The following NPAS2 variants were observed in gnomAD, a reference collection of about 807,000 sequenced individuals.
The protein encoded by NPAS2 is neuronal PAS domain protein 2, also known as neuronal PAS domain-containing protein 2.
Under a neutral mutation model 107.5 loss-of-function variants are expected in NPAS2, and 23 were observed. The observed-to-expected ratio is 0.21, with a 90% CI of 0.15 to 0.30. The LOEUF is 0.30. NPAS2 is among the 10% of genes least tolerant of loss of function. The probability of loss-of-function intolerance (pLI) is 1.00; values close to 1 mark genes in which losing one functional copy is unlikely to be tolerated. For synonymous variants in NPAS2, 403 were observed against 417.5 expected (o/e 0.97, Z 0.42); for missense variants, 756 against 1,043.3 (o/e 0.72, Z 3.79).
chr2:100,868,496 G>A (rs964570295), intron 1 of NPAS2, among the ~76,000 whole-genome samples: 22 of 152,028 alleles, frequency 1.4e-4, no homozygotes, highest in Admixed American at 9.8e-4. Context: ...TTCTGCTTGG[G>A]GTTGTTAGGC....
rs1684046862 is a variant in NPAS2 at position 100,932,829 on chromosome 2, A to G, written c.182-81A>G. 7.4e-6 allele frequency: 7 copies of G among 942,388 alleles called. No homozygotes were observed. The East Asian group carries it at 1.2e-4, about 16-fold the overall frequency. The allele number at this position is 942,388 out of a possible 1,614,324, so 58.4% of individuals were successfully genotyped here. ...CACAGAAGTTTACACAAAATTACATAGAAGTAACATGTGCTTCATTTGTTA... is the reference window on the plus strand; with the variant it reads ...CACAGAAGTTTACACAAAATTACATGGAAGTAACATGTGCTTCATTTGTTA... On this transcript the variant is annotated intron_variant, in intron 3 of 20. Coordinates refer to ENST00000335681, the MANE Select transcript of NPAS2 (RefSeq NM_002518.4).
intron 1 of NPAS2, among the ~76,000 whole-genome samples, chr2:100,836,996 C>T (rs1677111559): frequency 6.6e-6 from 1 of 152,174 alleles, no homozygotes; most frequent in Admixed American, 6.5e-5. Flanking sequence ...TTTAGTGTGG[C>T]TCATCTGGTG....
At chr2:100,846,486 TAA>T (rs1257220057) in intron 1 of NPAS2, among the ~76,000 whole-genome samples, 3 of 152,208 alleles carry the variant, frequency 2.0e-5, no homozygotes, top group Non-Finnish European at 2.9e-5. Flanking sequence ...GTGTAGGAGT[TAA>T]AAGAGTGTTT....
intron 1 of NPAS2, among the ~76,000 whole-genome samples, chr2:100,834,253 C>T (rs1365995833): frequency 6.6e-6 from 1 of 152,348 alleles, no homozygotes; most frequent in African/African-American, 2.4e-5. Context: ...TCAGCCGGCG[C>T]ACTCTCCACC....
At chr2:100,952,851 G>GT (rs1558905374) in intron 7 of NPAS2, among the ~76,000 whole-genome samples, 5 of 132,238 alleles carry the variant, frequency 3.8e-5, no homozygotes, top group Admixed American at 7.1e-5. Context: ...TTATGTGTGA[G>GT]GTTTTTTTTT....
intron 2 of NPAS2, among the ~76,000 whole-genome samples, chr2:100,912,564 A>T (rs939246152): frequency 1.2e-4 from 19 of 152,220 alleles, no homozygotes; most frequent in African/African-American, 4.6e-4. Flanking sequence ...TCCAGGTGGT[A>T]TCAGCCAGAG....
intron 1 of NPAS2, among the ~76,000 whole-genome samples, chr2:100,821,828 T>C (rs1245585265): frequency 3.3e-5 from 5 of 152,186 alleles, no homozygotes; most frequent in African/African-American, 1.2e-4. Context: ...AATAGTGTAA[T>C]GTTTAAAAGA....
intron 5 of NPAS2, among the ~76,000 whole-genome samples, chr2:100,944,167 A>G (rs1674748743): frequency 6.6e-6 from 1 of 152,142 alleles, no homozygotes; most frequent in South Asian, 2.1e-4. Context: ...AGGGAGACCA[A>G]GGCCCCAGTG....
intron 7 of NPAS2, among the ~76,000 whole-genome samples, chr2:100,960,092 C>T (rs1675832142): frequency 6.6e-6 from 1 of 152,138 alleles, no homozygotes; most frequent in Non-Finnish European, 1.5e-5. Context: ...GGAAGCCAAC[C>T]TTGGGTGCTT....
At chr2:100,897,960 G>A (rs950937321) in intron 1 of NPAS2, among the ~76,000 whole-genome samples, 1 of 152,186 alleles carries the variant, frequency 6.6e-6, no homozygotes, top group Non-Finnish European at 1.5e-5. Context: ...CAGAGCCCAA[G>A]AGGAGAGGCA....
intron 3 of NPAS2, among the ~76,000 whole-genome samples, chr2:100,932,052 C>T (rs1337074794): frequency 6.6e-6 from 1 of 152,006 alleles, no homozygotes; most frequent in African/African-American, 2.4e-5. Context: ...TTTCCTAGCA[C>T]CAAGGAAATA....
chr2:100,990,463 G>A lies in NPAS2; in HGVS notation c.2018+17G>A. ...GCAGCTCAGGTACGAGACTGCCCTT[G>A]TTTAAAGGATAACCCAGGCATCATT... On this transcript the variant is annotated intron_variant, in intron 18 of 20. Coordinates refer to ENST00000335681, the MANE Select transcript of NPAS2 (RefSeq NM_002518.4). 1.2e-6 allele frequency: 2 copies of A among 1,613,200 alleles called. No homozygotes were observed. The highest frequency in any genetic ancestry group is 1.7e-6 in the Non-Finnish European group (2 of 1,179,170).
At chr2:100,991,210 G>A (rs1678109272) in intron 19 of NPAS2, among the ~76,000 whole-genome samples, 1 of 152,074 alleles carries the variant, frequency 6.6e-6, no homozygotes, top group Non-Finnish European at 1.5e-5. Flanking sequence ...CCCTCCCCCA[G>A]GCTCCAGCTG....
At chr2:100,873,717 G>A (rs918340683) in intron 1 of NPAS2, among the ~76,000 whole-genome samples, 1 of 152,082 alleles carries the variant, frequency 6.6e-6, no homozygotes, top group African/African-American at 2.4e-5. Flanking sequence ...AATGGAGCGG[G>A]GATTCATTTG....
At chr2:100,942,185 C>T (rs1674615955) in intron 5 of NPAS2, among the ~76,000 whole-genome samples, 1 of 152,292 alleles carries the variant, frequency 6.6e-6, no homozygotes, top group South Asian at 2.1e-4. Context: ...TCGCCAGGTA[C>T]AAGCCCCAGC....
At position 100,942,684 on chromosome 2, in the gene NPAS2, C is replaced by T. The variant is rs77220606; in HGVS notation, c.363+4842C>T. ...CAGAAGCTCCTGTCTGCCCCTTTTT[C>T]GTCACACGTCCACCTTCCACTTGGA... On this transcript the variant is annotated intron_variant, in intron 5 of 20. Transcript: ENST00000335681. Among the ~76,000 whole-genome samples, 327 of 152,218 alleles carry T rather than the reference C, an allele frequency of 2.1e-3. 2 individuals are homozygous for T. Among genetic ancestry groups the T allele is most frequent in the African/African-American group, 7.5e-3 (311 of 41,544 alleles).
At chr2:100,910,029 G>A (rs1209392379) in intron 2 of NPAS2, among the ~76,000 whole-genome samples, 2 of 152,118 alleles carry the variant, frequency 1.3e-5, no homozygotes, top group African/African-American at 4.8e-5. Context: ...TGTCTGGCAG[G>A]CTTAGAAACT....
intron 2 of NPAS2, 132 bp from the exon 3 acceptor site, chr2:100,925,014 C>A (rs979518164): frequency 3.2e-6 from 3 of 926,168 alleles, no homozygotes. Flanking sequence ...GCCAGCGTGA[C>A]CTTCCTGAAA....
chr2:100,851,358 A>G (rs564024538), intron 1 of NPAS2, among the ~76,000 whole-genome samples: 7 of 152,230 alleles, frequency 4.6e-5, no homozygotes, highest in East Asian at 1.9e-4. Flanking sequence ...TGGATGTGCA[A>G]TGGGCTTTCC....
Sources: allele counts gnomAD v4.1 joint callset (sites outside exome capture counted in the v4.1 genomes callset), GRCh38; gene constraint gnomAD v4.1.1; transcripts MANE v1.5; gene names NCBI Gene and HGNC (gene_info 2026-07-23, HGNC 2026-07-21).